Variants in IDE observed in about 807,000 individuals in gnomAD.
IDE encodes the protein insulin degrading enzyme.
Under a neutral mutation model 133.2 loss-of-function variants are expected in IDE, and 58 were observed. The observed-to-expected ratio is 0.44, with a 90% CI of 0.35 to 0.54. The LOEUF is 0.54. Ranked by LOEUF, IDE falls within the 20% of genes least tolerant of loss-of-function variation. The pLI is 0.00. For missense variants in IDE, 981 were observed against 1,234.0 expected, an observed-to-expected ratio of 0.79 and a Z score of 3.07; for synonymous variants, 396 against 421.3, an observed-to-expected ratio of 0.94 and a Z score of 0.73.
intron 15 of IDE, chr10:92,478,612 T>C: frequency 8.8e-7 from 1 of 1,129,968 alleles, no homozygotes; most frequent in East Asian, 7.1e-5. Flanking sequence ...TTAAACGGGG[T>C]GGTGCCTTTT....
chr10:92,547,300 A>G (rs1842574951), intron 1 of IDE, among the ~76,000 whole-genome samples: 1 of 149,944 alleles, frequency 6.7e-6, no homozygotes, highest in Non-Finnish European at 1.5e-5. Flanking sequence ...TCCCAGGATG[A>G]CTCGAACTCC....
chr10:92,459,824 CTTTTTTT>C (rs901315055), intron 22 of IDE, among the ~76,000 whole-genome samples: 1 of 92,782 alleles, frequency 1.1e-5, no homozygotes, highest in Admixed American at 1.3e-4. Flanking sequence ...GTGTGAACCT[CTTTTTTT>C]TTTTTTTTTT....
Position 92,573,909 on chromosome 10 carries a change from C to A in IDE, c.98+13G>T. The A allele has an allele frequency of 6.9e-7, 1 of 1,452,252 alleles. No homozygotes were observed. The highest frequency in any genetic ancestry group is 1.4e-5 in the South Asian group (1 of 71,902). The allele number at this position is 1,452,252 out of a possible 1,614,324, so 90.0% of individuals were successfully genotyped here. ...CACGGGGCCCGAGGGCCCGGGCGCT[C>A]CATTCCGCTTACCCACACAGGCGCT... On this transcript the variant is annotated intron_variant, in intron 1 of 24. Coordinates refer to ENST00000265986, the MANE Select transcript of IDE (RefSeq NM_004969.4).
intron 15 of IDE, among the ~76,000 whole-genome samples, chr10:92,477,966 TTGTG>T (rs553718939): frequency 6.6e-6 from 1 of 152,190 alleles, no homozygotes; most frequent in Non-Finnish European, 1.5e-5. Context: ...CTACAATCTT[TTGTG>T]TAAGAATTTA....
At chr10:92,458,490 G>GTTTTTTTTTTTTT (rs71028821) in intron 22 of IDE, among the ~76,000 whole-genome samples, 3 of 83,882 alleles carry the variant, frequency 3.6e-5, no homozygotes, top group African/African-American at 5.6e-5. Flanking sequence ...TACTCTCTCT[G>GTTTTTTTTTTTTT]TTTTTTTTTT....
At chr10:92,463,586 C>G in intron 21 of IDE, 145 bp downstream of exon 21, 1 of 720,184 alleles carries the variant, frequency 1.4e-6, no homozygotes, top group South Asian at 1.8e-5. Flanking sequence ...AGTAACAGTT[C>G]TTTGGAAGTG....
At chr10:92,540,830 T>A (rs1272821302) in intron 1 of IDE, among the ~76,000 whole-genome samples, 1 of 152,204 alleles carries the variant, frequency 6.6e-6, no homozygotes, top group East Asian at 1.9e-4. Flanking sequence ...GTACTTTTTT[T>A]CAGGGTTTCA....
At chr10:92,552,857 CAAAAA>C (rs71028827) in intron 1 of IDE, among the ~76,000 whole-genome samples, 27 of 49,388 alleles carry the variant, frequency 5.5e-4, no homozygotes, top group East Asian at 1.2e-3. Flanking sequence ...GACTCAGTCT[CAAAAA>C]AAAAAAAAAA....
At chr10:92,505,332 T>G (rs749499569) in intron 10 of IDE, among the ~76,000 whole-genome samples, 2 of 152,166 alleles carry the variant, frequency 1.3e-5, no homozygotes, top group Non-Finnish European at 2.9e-5. Flanking sequence ...GACAAACATT[T>G]AGGAAGCGGC....
intron 11 of IDE, among the ~76,000 whole-genome samples, chr10:92,502,862 T>C (rs188172177): frequency 2.6e-4 from 39 of 152,344 alleles, no homozygotes; most frequent in Middle Eastern, 3.4e-3. Context: ...TAACTTTGTC[T>C]AGTTTTTCAG....
chr10:92,556,080 G>A (rs1274357750), intron 1 of IDE, among the ~76,000 whole-genome samples: 1 of 146,942 alleles, frequency 6.8e-6, no homozygotes, highest in Non-Finnish European at 1.5e-5. Flanking sequence ...GGCTGAGGCA[G>A]GAGAATGGCG....
chr10:92,524,844 C>A (rs1461182022), intron 4 of IDE, among the ~76,000 whole-genome samples: 7 of 151,822 alleles, frequency 4.6e-5, no homozygotes, highest in Non-Finnish European at 1.0e-4. Context: ...ATTGCTTGAA[C>A]ACGGAAGTTG....
chr10:92,465,261 G>A (rs1415783844), intron 20 of IDE, among the ~76,000 whole-genome samples: 2 of 152,096 alleles, frequency 1.3e-5, no homozygotes, highest in African/African-American at 2.4e-5. Flanking sequence ...CTAAAACTGG[G>A]AACACTTGCT....
chr10:92,557,158 A>G (rs1392377104), intron 1 of IDE, among the ~76,000 whole-genome samples: 1 of 152,166 alleles, frequency 6.6e-6, no homozygotes, highest in Non-Finnish European at 1.5e-5. Context: ...GTCTTGAGAA[A>G]GAAGAACAAA....
intron 22 of IDE, 113 bp from the exon 23 acceptor site, chr10:92,456,544 T>C (rs1399485443): frequency 1.1e-5 from 9 of 792,292 alleles, no homozygotes; most frequent in East Asian, 1.0e-4. Context: ...ATAGAAAAGA[T>C]GCTTCCCTTT....
intron 12 of IDE, among the ~76,000 whole-genome samples, chr10:92,488,932 TAAAAAAA>T (rs56377277): frequency 2.5e-5 from 2 of 78,970 alleles, no homozygotes; most frequent in African/African-American, 5.6e-5. Context: ...TTTCATTATT[TAAAAAAA>T]AAAAAAAAAA....
chr10:92,515,572 T>C (rs1848870898), intron 4 of IDE, among the ~76,000 whole-genome samples: 1 of 149,006 alleles, frequency 6.7e-6, no homozygotes, highest in African/African-American at 2.5e-5. Context: ...TTTTTTTTTT[T>C]TTTTTTGAGA....
rs1160247173 is a variant in IDE at position 92,483,436 on chromosome 10, T to A, written c.1657-99A>T. The A allele has an allele frequency of 1.0e-5, 7 of 696,314 alleles. No individual in the cohort carries two copies. In the Admixed American group the frequency reaches 1.2e-4, roughly 12 times the overall value. The allele number at this position is 696,314 out of a possible 1,614,324, so 43.1% of individuals were successfully genotyped here. On this transcript the variant is annotated intron_variant, in intron 13 of 24. Transcript: ENST00000265986. ...AAGAGGAGGAGGACAGAAGCAATAG[T>A]TAGAGTTTTGTTCTGGAGTTGCTGT... is the stretch of plus-strand genomic sequence containing the variant.
intron 12 of IDE, among the ~76,000 whole-genome samples, chr10:92,489,484 T>C (rs1353692188): frequency 6.6e-6 from 1 of 151,962 alleles, no homozygotes; most frequent in Admixed American, 6.6e-5. Context: ...GCCAAGATTA[T>C]GCCACTGTAC....
Sources: allele counts gnomAD v4.1 joint callset (sites outside exome capture counted in the v4.1 genomes callset), GRCh38; gene constraint gnomAD v4.1.1; transcripts MANE v1.5; gene names NCBI Gene and HGNC (gene_info 2026-07-23, HGNC 2026-07-21).